ASAH2B: variants seen among roughly 807,000 people sequenced by gnomAD.
The protein encoded by ASAH2B is putative inactive neutral ceramidase B.
A neutral mutation model predicts 2.9 loss-of-function variants in ASAH2B; 1 was observed. That is an observed-to-expected ratio of 0.34 (90% CI 0.12 to 1.63). The LOEUF is 1.63. Ranked by LOEUF, ASAH2B falls within the 40% of genes most tolerant of loss-of-function variation. The probability of loss-of-function intolerance (pLI) is 0.36; values close to 1 mark genes in which losing one functional copy is unlikely to be tolerated. For synonymous variants in ASAH2B, 4 were observed against 13.3 expected, an observed-to-expected ratio of 0.30 and a Z score of 1.52; for missense variants, 9 against 37.7, an observed-to-expected ratio of 0.24 and a Z score of 1.99.
At chr10:50,742,784 A>G in intron 1 of ASAH2B, 131 bp from the exon 2 acceptor site, 1 of 879,156 alleles carries the variant, frequency 1.1e-6, no homozygotes, top group Non-Finnish European at 1.9e-6. Context: ...TTTGTCATAC[A>G]TAATCTTGAA....
intron 4 of ASAH2B, among the ~76,000 whole-genome samples, chr10:50,751,637 C>T (rs1296995675): frequency 1.5e-3 from 231 of 150,356 alleles, no homozygotes; most frequent in African/African-American, 5.7e-3. Context: ...TTACATGGCC[C>T]ACATGTAAAT....
At chr10:50,744,272 A>G (rs964190306) in intron 2 of ASAH2B, among the ~76,000 whole-genome samples, 2 of 151,568 alleles carry the variant, frequency 1.3e-5, no homozygotes, top group African/African-American at 2.4e-5. Context: ...TGTAGTGACA[A>G]TGAAGAAAAA....
At chr10:50,754,127 CTA>C (rs1359931107) in intron 5 of ASAH2B, among the ~76,000 whole-genome samples, 7 of 148,122 alleles carry the variant, frequency 4.7e-5, no homozygotes, top group African/African-American at 7.5e-5. Context: ...TATTCATTTT[CTA>C]TATATATATA....
chr10:50,747,743 C>A (rs555875212), intron 3 of ASAH2B, among the ~76,000 whole-genome samples: 1 of 151,894 alleles, frequency 6.6e-6, no homozygotes, highest in Admixed American at 6.6e-5. Flanking sequence ...AATGCCGTAT[C>A]ATTTAGTCAT....
At chr10:50,743,123 C>T in intron 2 of ASAH2B, 113 bp downstream of exon 2, 1 of 1,087,554 alleles carries the variant, frequency 9.2e-7, no homozygotes, top group Non-Finnish European at 1.4e-6. Context: ...TTCGAGTGTT[C>T]AGTTTGACAA....
rs1173107695 is a variant in ASAH2B at position 50,755,563 on chromosome 10, T to C, written c.*823T>C. 1 of 151,160 alleles carries C rather than the reference T, an allele frequency of 6.6e-6. No homozygotes were observed. Among genetic ancestry groups the C allele is most frequent in the Non-Finnish European group, 1.5e-5 (1 of 67,668 alleles). 9.4% of individuals were successfully genotyped at this position (151,160 alleles called of 1,614,324 possible). A position where few individuals can be genotyped will look rare whatever the true frequency, so the allele number is the denominator to read the frequency against. On this transcript the variant is annotated 3_prime_UTR_variant, in exon 6 of 6. Coordinates refer to ENST00000647317, the MANE Select transcript of ASAH2B (RefSeq NM_001321958.2). ...TTTTTGACTCTTTTCATTAATCAAA[T>C]TCACCCCAAACCAGAAAGTTTTGCC...
chr10:50,752,754 CT>C (rs1431664864), intron 5 of ASAH2B, among the ~76,000 whole-genome samples, 198 bp downstream of exon 5: 2 of 95,240 alleles, frequency 2.1e-5, no homozygotes, highest in African/African-American at 6.2e-5. Flanking sequence ...GTGGTGTGTG[CT>C]TCTGTAAGAT....
Position 50,755,827 on chromosome 10 carries a change from A to C in ASAH2B, c.*1087A>C, listed in dbSNP as rs1837075415. The C allele has an allele frequency of 6.6e-6, 1 of 151,708 alleles. No individual in the cohort carries two copies. The highest frequency in any genetic ancestry group is 2.4e-5 in the African/African-American group (1 of 41,390). The allele number at this position is 151,708 out of a possible 1,614,324, so 9.4% of individuals were successfully genotyped here. A position where few individuals can be genotyped will look rare whatever the true frequency, so the allele number is the denominator to read the frequency against. Reference sequence around the variant, plus strand: ...CAAAAGGTAACTATTATGAAGGAGAAAATAATCGATTTAATATGTAAATTC... The same window carrying C: ...CAAAAGGTAACTATTATGAAGGAGACAATAATCGATTTAATATGTAAATTC... On this transcript the variant is annotated 3_prime_UTR_variant, in exon 6 of 6. Transcript: ENST00000647317.
At position 50,757,748 on chromosome 10, in the gene ASAH2B, G is replaced by T. The variant is rs879749586; in HGVS notation, c.*3008G>T. The T allele has an allele frequency of 6.6e-6, 1 of 150,928 alleles. No individual in the cohort carries two copies. Among genetic ancestry groups the T allele is most frequent in the East Asian group, 2.0e-4 (1 of 5,100 alleles). The allele number at this position is 150,928 out of a possible 1,614,324, so 9.3% of individuals were successfully genotyped here. ...AAAATTTTAGAGTGATAGGGTATCGGAGAGGGAAATTTGCACATTCCTTAT... is the reference window on the plus strand; with the variant it reads ...AAAATTTTAGAGTGATAGGGTATCGTAGAGGGAAATTTGCACATTCCTTAT... On this transcript the variant is annotated 3_prime_UTR_variant, in exon 6 of 6. Transcript: ENST00000647317.
chr10:50,745,721 A>G (rs1839896053), intron 3 of ASAH2B, among the ~76,000 whole-genome samples: 1 of 149,600 alleles, frequency 6.7e-6, no homozygotes, highest in Admixed American at 6.7e-5. Flanking sequence ...TACATATAGT[A>G]TCATGTCATC....
intron 2 of ASAH2B, chr10:50,744,644 G>C (rs199955801): frequency 0.09 from 13,517 of 150,648 alleles, 637 homozygotes; most frequent in African/African-American, 0.13. Context: ...GATGTGGGAT[G>C]ATCTTAAATT....
At chr10:50,745,592 A>G (rs1361248471) in intron 3 of ASAH2B, among the ~76,000 whole-genome samples, 11 of 142,412 alleles carry the variant, frequency 7.7e-5, no homozygotes, top group East Asian at 2.0e-4. Flanking sequence ...AATTTGTACC[A>G]TTACTATTTT....
chr10:50,748,718 A>G (rs1277954236), intron 3 of ASAH2B, among the ~76,000 whole-genome samples: 1 of 149,806 alleles, frequency 6.7e-6, no homozygotes, highest in East Asian at 1.9e-4. Context: ...CATATCCTCA[A>G]CTTAGACTGC....
intron 3 of ASAH2B, among the ~76,000 whole-genome samples, chr10:50,747,400 A>T (rs1036678898): frequency 6.6e-6 from 1 of 151,222 alleles, no homozygotes; most frequent in Admixed American, 6.6e-5. Context: ...GCTTTGTAGT[A>T]TATTTTGAAG....
In ASAH2B at chr10:50,757,193, T is replaced by A. The variant is rs913061374; in HGVS notation, c.*2453T>A. 3.7e-4 allele frequency: 56 copies of A among 151,572 alleles called. No homozygotes were observed. Among genetic ancestry groups the A allele is most frequent in the African/African-American group, 1.2e-3 (48 of 41,340 alleles). The allele number at this position is 151,572 out of a possible 1,614,324, so 9.4% of individuals were successfully genotyped here. ...TTAAGAATTACACTCATAAAAGTAT[T>A]GTCTAATGAAAGGTAATGTAGACAA... On this transcript the variant is annotated 3_prime_UTR_variant, in exon 6 of 6. Coordinates refer to ENST00000647317, the MANE Select transcript of ASAH2B (RefSeq NM_001321958.2).
At chr10:50,749,306 G>GT (rs1678674072) in intron 3 of ASAH2B, 37 bp from the exon 4 acceptor site, 82 of 402,612 alleles carry the variant, frequency 2.0e-4, no homozygotes, top group Admixed American at 7.4e-4. Flanking sequence ...CAAAAAAACC[G>GT]TTTATTAGAA....
chr10:50,741,006 T>A (rs1298773039), intron 1 of ASAH2B, among the ~76,000 whole-genome samples: 1 of 152,268 alleles, frequency 6.6e-6, no homozygotes, highest in African/African-American at 2.4e-5. Context: ...AAAAACGTTT[T>A]AAATTTTTTA....
intron 1 of ASAH2B, 139 bp downstream of exon 1, chr10:50,740,122 C>T (rs1839805636): frequency 6.6e-6 from 1 of 152,412 alleles, no homozygotes; most frequent in Admixed American, 6.5e-5. Flanking sequence ...CATATTTCAC[C>T]TTTAACGGAG....
intron 1 of ASAH2B, 119 bp from the exon 2 acceptor site, chr10:50,742,796 A>T: frequency 1.0e-6 from 1 of 980,850 alleles, no homozygotes; most frequent in South Asian, 1.4e-5. Context: ...AATCTTGAAG[A>T]TTGTGCCAGT....
Sources: allele counts gnomAD v4.1 joint callset (sites outside exome capture counted in the v4.1 genomes callset), GRCh38; gene constraint gnomAD v4.1.1; transcripts MANE v1.5; gene names NCBI Gene and HGNC (gene_info 2026-07-23, HGNC 2026-07-21).